Variants in PRIM2 observed in about 807,000 individuals in gnomAD.
PRIM2 encodes DNA primase large subunit.
PRIM2 carries 39 observed loss-of-function variants against 67.3 expected under a neutral mutation model. That is an observed-to-expected ratio of 0.58 (90% CI 0.45 to 0.76). The LOEUF (loss-of-function observed/expected upper bound fraction) is 0.76, where lower values mean the gene tolerates loss of function less well. Ranked by LOEUF, PRIM2 falls within the 30% of genes least tolerant of loss-of-function variation. PRIM2 has a pLI of 0.00. For missense variants in PRIM2, 398 were observed against 598.7 expected (o/e 0.66, Z 3.50); for synonymous variants, 143 against 198.7 (o/e 0.72, Z 2.36).
chr6:57,260,411 T>C, the PRIM2 span, among the ~76,000 whole-genome samples: 1 of 152,208 alleles, frequency 6.6e-6, no homozygotes, highest in Non-Finnish European at 1.5e-5. Flanking sequence ...GGGGGTTTGG[T>C]ATTCTAAAGT....
intron 7 of PRIM2, among the ~76,000 whole-genome samples, chr6:57,434,172 G>A (rs1318825459): frequency 1.3e-5 from 2 of 151,904 alleles, no homozygotes; most frequent in Non-Finnish European, 2.9e-5. Flanking sequence ...TGATCTACCC[G>A]CCTCGGCCTC....
intron 12 of PRIM2, among the ~76,000 whole-genome samples, chr6:57,618,846 G>C (rs1206163359): frequency 2.0e-5 from 3 of 151,294 alleles, no homozygotes; most frequent in Non-Finnish European, 4.4e-5. Context: ...ACCCACCCAG[G>C]TAGCAGAAGA....
chr6:57,262,751 G>C, the PRIM2 span, among the ~76,000 whole-genome samples: 414 of 152,244 alleles, frequency 2.7e-3, 6 homozygotes, highest in East Asian at 0.053. Flanking sequence ...GAGTCTCTTT[G>C]ACTATTTCCT....
At chr6:57,327,171 G>T (rs929156922) in intron 5 of PRIM2, among the ~76,000 whole-genome samples, 16 of 151,918 alleles carry the variant, frequency 1.1e-4, no homozygotes, top group African/African-American at 3.9e-4. Context: ...CAAAGTGCTG[G>T]GATTACAGGT....
chr6:57,378,835 A>G (rs1421855509), intron 5 of PRIM2, among the ~76,000 whole-genome samples: 2 of 152,236 alleles, frequency 1.3e-5, no homozygotes, highest in African/African-American at 4.8e-5. Context: ...TGTTTTCTCT[A>G]GGAGGTTGAC....
chr6:57,318,644 A>G (rs1234417321), intron 2 of PRIM2, 45 bp downstream of exon 2: 3 of 1,439,354 alleles, frequency 2.1e-6, no homozygotes, highest in African/African-American at 1.4e-5. Flanking sequence ...TGAGAAGCTC[A>G]CTTACCCTTT....
At chr6:57,465,105 A>G (rs1773142146) in intron 7 of PRIM2, among the ~76,000 whole-genome samples, 1 of 152,196 alleles carries the variant, frequency 6.6e-6, no homozygotes, top group African/African-American at 2.4e-5. Context: ...CCACCACTAC[A>G]GTAAGAGTGT....
At chr6:57,635,630 C>A (rs1256254944) in intron 13 of PRIM2, among the ~76,000 whole-genome samples, 1 of 152,104 alleles carries the variant, frequency 6.6e-6, no homozygotes, top group Non-Finnish European at 1.5e-5. Context: ...CCATATAAAT[C>A]TCTAGAGAAA....
intron 5 of PRIM2, among the ~76,000 whole-genome samples, chr6:57,345,480 G>A (rs1318517597): frequency 1.5e-4 from 11 of 73,296 alleles, no homozygotes; most frequent in African/African-American, 3.4e-4. Flanking sequence ...ATATATGTGT[G>A]TGTGTGTGTG....
At position 57,385,751 on chromosome 6, in the gene PRIM2, T is replaced by C. The variant is rs573174142; in HGVS notation, c.693+3583T>C. On this transcript the variant is annotated intron_variant, in intron 7 of 13. Transcript: ENST00000615550. ...CAGCAGTTATTTTGTATCTCTCAGT[T>C]TGGGTTTATCTGATGTTTCTGCCTA... Among the ~76,000 whole-genome samples, 192 of 152,320 alleles carry C rather than the reference T, an allele frequency of 1.3e-3. 5 individuals carry two copies. In the East Asian group the frequency reaches 0.016, roughly 13 times the overall value.
chr6:57,389,000 A>G (rs1478407746), intron 7 of PRIM2, among the ~76,000 whole-genome samples: 1 of 152,204 alleles, frequency 6.6e-6, no homozygotes, highest in Non-Finnish European at 1.5e-5. Context: ...AGCAGAGAAC[A>G]TACTTCATTT....
At chr6:57,254,663 A>G in the PRIM2 span, among the ~76,000 whole-genome samples, 1 of 152,164 alleles carries the variant, frequency 6.6e-6, no homozygotes, top group African/African-American at 2.4e-5. Flanking sequence ...GTTTAGGATT[A>G]AACAAGTTTT....
At chr6:57,264,656 G>C in the PRIM2 span, among the ~76,000 whole-genome samples, 1 of 148,940 alleles carries the variant, frequency 6.7e-6, no homozygotes, top group East Asian at 2.0e-4. Context: ...GAGTGCAGTG[G>C]CACAGTCTTG....
At chr6:57,517,420 G>A (rs1277564640) in intron 8 of PRIM2, among the ~76,000 whole-genome samples, 1 of 152,154 alleles carries the variant, frequency 6.6e-6, no homozygotes, top group Non-Finnish European at 1.5e-5. Context: ...TGTGATGATG[G>A]AAGTGTTCTA....
At chr6:57,277,939 G>T in the PRIM2 span, among the ~76,000 whole-genome samples, 1 of 151,862 alleles carries the variant, frequency 6.6e-6, no homozygotes. Flanking sequence ...AGCCGAGATC[G>T]TGCCACTGCG....
At chr6:57,520,605 A>G (rs1774591202) in intron 8 of PRIM2, among the ~76,000 whole-genome samples, 1 of 152,204 alleles carries the variant, frequency 6.6e-6, no homozygotes, top group South Asian at 2.1e-4. Flanking sequence ...GTTTGAATAT[A>G]TGTTACAGGG....
the PRIM2 span, among the ~76,000 whole-genome samples, chr6:57,239,013 C>A: frequency 6.6e-6 from 1 of 151,490 alleles, no homozygotes; most frequent in African/African-American, 2.4e-5. Flanking sequence ...TATTTTGAGA[C>A]AAGGTCTCAC....
the PRIM2 span, among the ~76,000 whole-genome samples, chr6:57,270,099 G>A: frequency 1.3e-5 from 2 of 151,982 alleles, no homozygotes; most frequent in African/African-American, 4.8e-5. Context: ...GCTTAGGATT[G>A]ACTTGGCGAT....
intron 12 of PRIM2, among the ~76,000 whole-genome samples, chr6:57,620,305 G>T (rs1471297238): frequency 3.3e-5 from 5 of 152,316 alleles, no homozygotes; most frequent in African/African-American, 1.2e-4. Context: ...CTTAAGAGCT[G>T]TGAGACAGAA....
Sources: allele counts gnomAD v4.1 joint callset (sites outside exome capture counted in the v4.1 genomes callset), GRCh38; gene constraint gnomAD v4.1.1; transcripts MANE v1.5; gene names NCBI Gene and HGNC (gene_info 2026-07-23, HGNC 2026-07-21).